The following ZDHHC11B variants were observed in gnomAD, a reference collection of about 807,000 sequenced individuals.
The protein encoded by ZDHHC11B is probable palmitoyltransferase ZDHHC11B.
In ZDHHC11B, 17 loss-of-function variants were observed where a neutral mutation model predicts 42.3. The ratio of observed to expected loss-of-function variants is 0.40; its 90% CI spans 0.27 to 0.60. ZDHHC11B has a LOEUF of 0.60. Among genes scored for constraint, ZDHHC11B ranks in the 20% least tolerant of loss-of-function variants. ZDHHC11B has a pLI of 0.41. For synonymous variants in ZDHHC11B, 123 were observed against 193.5 expected, an observed-to-expected ratio of 0.64 and a Z score of 3.02; for missense variants, 262 against 463.2, an observed-to-expected ratio of 0.57 and a Z score of 3.99.
At chr5:745,601 G>A (rs1744706700) in intron 8 of ZDHHC11B, among the ~76,000 whole-genome samples, 1 of 150,048 alleles carries the variant, frequency 6.7e-6, no homozygotes, top group African/African-American at 2.4e-5. Flanking sequence ...TGTCAGAGAT[G>A]AGCTGTCTCT....
chr5:758,245 C>T (rs1734121015), intron 4 of ZDHHC11B, among the ~76,000 whole-genome samples: 2 of 151,912 alleles, frequency 1.3e-5, no homozygotes, highest in South Asian at 4.2e-4. Flanking sequence ...AGGGGAAGCC[C>T]CTTCCTCTGC....
chr5:718,114 T>A (rs992059249), intron 12 of ZDHHC11B, among the ~76,000 whole-genome samples: 1 of 151,814 alleles, frequency 6.6e-6, no homozygotes, highest in Non-Finnish European at 1.5e-5. Flanking sequence ...AATAAAAGCA[T>A]GGCAAAGTAT....
chr5:774,283 G>A (rs1339134326), intron 1 of ZDHHC11B, among the ~76,000 whole-genome samples: 9 of 152,230 alleles, frequency 5.9e-5, no homozygotes, highest in African/African-American at 2.2e-4. Context: ...GAATTGACAG[G>A]GCTGGGGAAA....
At chr5:751,595 A>G (rs2127097166) in intron 6 of ZDHHC11B, among the ~76,000 whole-genome samples, 1 of 122,958 alleles carries the variant, frequency 8.1e-6, no homozygotes, top group African/African-American at 2.6e-5. Flanking sequence ...GGGGACGCGC[A>G]GGGCATCTGG....
chr5:774,684 C>T (rs1254126931), intron 1 of ZDHHC11B, among the ~76,000 whole-genome samples: 1 of 149,516 alleles, frequency 6.7e-6, no homozygotes, highest in African/African-American at 2.5e-5. Flanking sequence ...GAGCCTGTAA[C>T]TAGGACCTGG....
chr5:781,026 G>C (rs1188805002), intron 1 of ZDHHC11B, among the ~76,000 whole-genome samples: 1 of 147,466 alleles, frequency 6.8e-6, no homozygotes, highest in Non-Finnish European at 1.5e-5. Context: ...CCCGGGGCTG[G>C]CTGGGGCCTG....
In ZDHHC11B at chr5:733,890, C is replaced by T. The variant is rs1457318979; in HGVS notation, c.936-51G>A. On this transcript the variant is annotated intron_variant, in intron 10 of 13. Coordinates refer to ENST00000508859, the MANE Select transcript of ZDHHC11B (RefSeq NM_001351303.2). The stretch of plus-strand genomic sequence containing the variant: ...AACTCATCTCAGCTTTGTGGGGGGG[C>T]TCAGGGTGGCACTGGAGGCTGCACC... 157 of 1,496,686 alleles carry T rather than the reference C, an allele frequency of 1.0e-4. 2 individuals carry two copies. Among genetic ancestry groups the T allele is most frequent in the Non-Finnish European group, 1.4e-4 (150 of 1,086,106 alleles). 92.7% of individuals were successfully genotyped at this position (1,496,686 alleles called of 1,614,324 possible). A position where few individuals can be genotyped will look rare whatever the true frequency, so the allele number is the denominator to read the frequency against.
rs573111713 is a variant in ZDHHC11B at position 756,246 on chromosome 5, C to A, written c.223-102G>T. The A allele has an allele frequency of 3.6e-4, 541 of 1,507,318 alleles. 23 individuals are homozygous for A. In the South Asian group the frequency reaches 6.5e-3, roughly 18 times the overall value. The allele number at this position is 1,507,318 out of a possible 1,614,324, so 93.4% of individuals were successfully genotyped here. ...AGAAGAGGCGTGGCCACTGGTCAGC[C>A]CTGCTCACCCAGCCCTGCACACGTG... On this transcript the variant is annotated intron_variant, in intron 4 of 13. Coordinates refer to ENST00000508859, the MANE Select transcript of ZDHHC11B (RefSeq NM_001351303.2).
chr5:774,744 C>T (rs1284551351), intron 1 of ZDHHC11B, among the ~76,000 whole-genome samples: 2 of 53,438 alleles, frequency 3.7e-5, no homozygotes, highest in Non-Finnish European at 8.2e-5. Flanking sequence ...GAGCCTATTA[C>T]TAGGACCTGG....
At chr5:773,948 G>A (rs1736258558) in intron 1 of ZDHHC11B, among the ~76,000 whole-genome samples, 2 of 151,934 alleles carry the variant, frequency 1.3e-5, no homozygotes, top group African/African-American at 4.8e-5. Flanking sequence ...GAGGACAGAA[G>A]ATGAGGGCAG....
intron 10 of ZDHHC11B, among the ~76,000 whole-genome samples, chr5:738,784 A>T (rs1201904079): frequency 6.6e-6 from 1 of 150,436 alleles, no homozygotes; most frequent in African/African-American, 2.4e-5. Context: ...TTTTACAAAC[A>T]TCAGCTGAGG....
intron 13 of ZDHHC11B, among the ~76,000 whole-genome samples, chr5:715,097 A>G (rs1203970423): frequency 6.7e-6 from 1 of 150,116 alleles, no homozygotes; most frequent in East Asian, 1.9e-4. Flanking sequence ...TCAGAATCAT[A>G]AGCCAAATAC....
chr5:752,181 G>C (rs1313956067), intron 6 of ZDHHC11B, among the ~76,000 whole-genome samples: 2 of 98,384 alleles, frequency 2.0e-5, no homozygotes, highest in East Asian at 8.9e-4. Flanking sequence ...TGAGAGTGCC[G>C]TGGCACCCAG....
chr5:764,421 G>A (rs1387716702), intron 4 of ZDHHC11B, among the ~76,000 whole-genome samples: 2 of 151,536 alleles, frequency 1.3e-5, no homozygotes, highest in Non-Finnish European at 3.0e-5. Context: ...CACTAGTTCG[G>A]GGTGGGCATG....
chr5:731,070 G>A (rs2127003067), intron 11 of ZDHHC11B, among the ~76,000 whole-genome samples: 1 of 151,964 alleles, frequency 6.6e-6, no homozygotes, highest in East Asian at 1.9e-4. Context: ...TGTTCTCAGT[G>A]CTCTTGGTTA....
rs192952883 is a variant in ZDHHC11B, at chr5:721,279, A to G, written c.1059-4414T>C. 1.4e-4 allele frequency among the ~76,000 whole-genome samples: 20 copies of G among 145,390 alleles called. 1 individual carries two copies. Among genetic ancestry groups the G allele is most frequent in the African/African-American group, 4.7e-4 (19 of 40,074 alleles). On this transcript the variant is annotated intron_variant, in intron 12 of 13. Coordinates refer to ENST00000508859, the MANE Select transcript of ZDHHC11B (RefSeq NM_001351303.2). ...CTAAAGATTTTTTAAATGGGCAGGAATTGAGAAATAAAAATATATATGATA... is the reference window on the plus strand; with the variant it reads ...CTAAAGATTTTTTAAATGGGCAGGAGTTGAGAAATAAAAATATATATGATA...
rs1229233817 is a variant in ZDHHC11B, at chr5:766,985, CAGGG to C, written c.1-70_1-67del. 7 of 1,549,396 alleles carry C rather than the reference CAGGG, an allele frequency of 4.5e-6. No individual in the cohort carries two copies. In the African/African-American group the frequency reaches 9.5e-5, roughly 21 times the overall value. Reference sequence around the variant, plus strand: ...GGGGAGGGCCGGCCCCACCCACTGTCAGGGAGACCACGGGGACTGGGAACATGGC... The same window carrying C: ...GGGGAGGGCCGGCCCCACCCACTGTCAGACCACGGGGACTGGGAACATGGC... On this transcript the variant is annotated intron_variant, in intron 3 of 13. Transcript: ENST00000508859.
chr5:726,222 C>T (rs1225504515), intron 12 of ZDHHC11B, among the ~76,000 whole-genome samples: 2 of 151,668 alleles, frequency 1.3e-5, no homozygotes, highest in Non-Finnish European at 2.9e-5. Flanking sequence ...GGACTTTCCC[C>T]GTGTGGCAAA....
At chr5:720,800 G>C (rs1742126454) in intron 12 of ZDHHC11B, among the ~76,000 whole-genome samples, 1 of 151,604 alleles carries the variant, frequency 6.6e-6, no homozygotes, top group Admixed American at 6.6e-5. Flanking sequence ...GATAAAAGCA[G>C]TGTTTGTGTA....
Sources: allele counts gnomAD v4.1 joint callset (sites outside exome capture counted in the v4.1 genomes callset), GRCh38; gene constraint gnomAD v4.1.1; transcripts MANE v1.5; gene names NCBI Gene and HGNC (gene_info 2026-07-23, HGNC 2026-07-21).